Variants in DDX24 observed in about 807,000 individuals in gnomAD.
DDX24 encodes ATP-dependent RNA helicase DDX24.
In DDX24, 24 loss-of-function variants were observed where a neutral mutation model predicts 68.9. The observed-to-expected ratio is 0.35, with a 90% confidence interval of 0.25 to 0.49. The LOEUF is 0.49. Among genes scored for constraint, DDX24 ranks in the 20% least tolerant of loss-of-function variants. The pLI is 0.99. For missense variants in DDX24, 989 were observed against 1,039.0 expected (o/e 0.95, Z 0.66); for synonymous variants, 395 against 385.2 (o/e 1.03, Z -0.30).
intron 2 of DDX24, among the ~76,000 whole-genome samples, chr14:94,068,268 G>T (rs1885748207): frequency 6.6e-6 from 1 of 152,006 alleles, no homozygotes; most frequent in Admixed American, 6.6e-5. Context: ...AGACAAAGAG[G>T]AACATTATAT....
intron 2 of DDX24, among the ~76,000 whole-genome samples, chr14:94,077,631 C>T (rs1023194585): frequency 6.6e-6 from 1 of 152,208 alleles, no homozygotes; most frequent in African/African-American, 2.4e-5. Context: ...ACATAAAGCA[C>T]TTAACACAGT....
At chr14:94,066,291 T>TC (rs1303258202) in intron 2 of DDX24, among the ~76,000 whole-genome samples, 1 of 151,772 alleles carries the variant, frequency 6.6e-6, no homozygotes, top group Non-Finnish European at 1.5e-5. Context: ...GGTACACAAC[T>TC]CCAGTGACCT....
intron 6 of DDX24, 116 bp downstream of exon 6, chr14:94,057,706 T>C (rs925042395): frequency 1.1e-6 from 1 of 921,444 alleles, no homozygotes; most frequent in African/African-American, 1.7e-5. Context: ...ATGCCAGTGG[T>C]ATTCTCTGAT....
intron 2 of DDX24, among the ~76,000 whole-genome samples, chr14:94,075,338 G>A (rs1315629153): frequency 6.6e-6 from 1 of 152,152 alleles, no homozygotes; most frequent in Non-Finnish European, 1.5e-5. Context: ...AAAGACTCCA[G>A]AGAAAGACCC....
chr14:94,077,800 A>G (rs1368276919), intron 2 of DDX24, among the ~76,000 whole-genome samples: 1 of 152,076 alleles, frequency 6.6e-6, no homozygotes, highest in African/African-American at 2.4e-5. Context: ...TCTACTGAAC[A>G]CTTAAAATGT....
intron 2 of DDX24, among the ~76,000 whole-genome samples, chr14:94,068,449 G>A (rs1463751431): frequency 6.6e-6 from 1 of 152,184 alleles, no homozygotes; most frequent in African/African-American, 2.4e-5. Context: ...GCACTAGACA[G>A]ATCATCAAGA....
At position 94,067,021 on chromosome 14, in the gene DDX24, G is replaced by A. The variant is rs182389118; in HGVS notation, c.719-4400C>T. ...GATTTACCTGAAAGAGAATTCAGGA[G>A]GTTAGTTATTAAGCTAATCAGGGAG... On this transcript the variant is annotated intron_variant, in intron 2 of 8. Transcript: ENST00000621632. Among the ~76,000 whole-genome samples, 807 of 152,284 alleles carry A rather than the reference G, an allele frequency of 5.3e-3. 6 individuals are homozygous for A. Among genetic ancestry groups the A allele is most frequent in the African/African-American group, 0.013 (534 of 41,540 alleles).
rs79380871 is a variant in DDX24, at chr14:94,060,714, G to A, written c.1398-101C>T. The A allele has an allele frequency of 2.5e-3, 3,417 of 1,367,854 alleles. 61 individuals are homozygous for A. The African/African-American group carries it at 0.042, about 17-fold the overall frequency. 84.7% of individuals were successfully genotyped at this position (1,367,854 alleles called of 1,614,324 possible). On this transcript the variant is annotated intron_variant, in intron 4 of 8. Coordinates refer to ENST00000621632, the MANE Select transcript of DDX24 (RefSeq NM_020414.4). Reference sequence around the variant, plus strand: ...ATCCTAAACACACACACACACACACGTACACACCCCACTACCACCACCACC... The same window carrying A: ...ATCCTAAACACACACACACACACACATACACACCCCACTACCACCACCACC...
At chr14:94,076,313 A>C (rs1885938302) in intron 2 of DDX24, among the ~76,000 whole-genome samples, 2 of 152,210 alleles carry the variant, frequency 1.3e-5, no homozygotes, top group African/African-American at 4.8e-5. Flanking sequence ...CGTAATCTCA[A>C]ATTATGCTGA....
At chr14:94,064,920 G>A (rs1320449553) in intron 2 of DDX24, among the ~76,000 whole-genome samples, 1 of 152,184 alleles carries the variant, frequency 6.6e-6, no homozygotes, top group Non-Finnish European at 1.5e-5. Flanking sequence ...AATGACACTA[G>A]CTCCAGGTAG....
rs898279263 is a variant in DDX24 at position 94,060,498 on chromosome 14, C to G, written c.1513G>C (p.Val505Leu). Residue 505 changes from valine to leucine, a missense_variant, in exon 5 of 9, where the codon GTT (valine) becomes CTT (leucine). Around this residue, in one of 3 missense-constraint regions of DDX24, gnomAD observed 691 missense variants for 760.0 expected, o/e 0.91. Transcript: ENST00000621632. Reference protein sequence around the residue: ...SQYNPKRQTLVFSATLTLVHQ... With the variant: ...SQYNPKRQTLLFSATLTLVHQ... ...ACCAGGGTGAGTGTGGCAGAAAAAA[C>G]AAGCGTTTGTCTCTTTGGGTTGTAT... 2.5e-6 allele frequency: 4 copies of G among 1,614,150 alleles called. No individual in the cohort carries two copies. The East Asian group carries it at 6.7e-5, about 27-fold the overall frequency.
At chr14:94,075,306 C>T (rs1363473160) in intron 2 of DDX24, among the ~76,000 whole-genome samples, 2 of 152,136 alleles carry the variant, frequency 1.3e-5, no homozygotes, top group Non-Finnish European at 2.9e-5. Flanking sequence ...AAAGACTAGA[C>T]AAACAGATCA....
In DDX24 at chr14:94,049,803, G is replaced by C. The variant is rs1446351313; in HGVS notation, c.*1388C>G. On this transcript the variant is annotated 3_prime_UTR_variant, in exon 9 of 9. Transcript: ENST00000621632. ...CCAGCTACTTGGGAGGCTGAGGCGG[G>C]AGGACTGCCTGGGCCCAGGAGTGTG... 1 of 152,172 alleles carries C rather than the reference G, an allele frequency of 6.6e-6. No individual in the cohort carries two copies. The highest frequency in any genetic ancestry group is 1.5e-5 in the Non-Finnish European group (1 of 68,102). 9.4% of individuals were successfully genotyped at this position (152,172 alleles called of 1,614,324 possible). A position where few individuals can be genotyped will look rare whatever the true frequency, so the allele number is the denominator to read the frequency against.
rs1275174150 is a variant in DDX24, at chr14:94,055,571, C to T, written c.1990-387G>A. ...ATAATGTGGCATGGTTGCTAACACA[C>T]CCACTGAGCCCCTGGCACACACCAT... On this transcript the variant is annotated intron_variant, in intron 6 of 8. Coordinates refer to ENST00000621632, the MANE Select transcript of DDX24 (RefSeq NM_020414.4). The T allele has an allele frequency of 4.0e-5, 8 of 200,548 alleles. 2 individuals carry two copies. In the Admixed American group the frequency reaches 4.2e-4, roughly 11 times the overall value. The allele number at this position is 200,548 out of a possible 1,614,324, so 12.4% of individuals were successfully genotyped here.
At chr14:94,077,809 GTAGT>G (rs1406552120) in intron 2 of DDX24, among the ~76,000 whole-genome samples, 9 of 151,512 alleles carry the variant, frequency 5.9e-5, no homozygotes, top group African/African-American at 9.7e-5. Context: ...CACTTAAAAT[GTAGT>G]TACTCTAAAA....
chr14:94,051,724 G>GC, intron 8 of DDX24: 1 of 391,524 alleles, frequency 2.6e-6, no homozygotes, highest in Non-Finnish European at 4.5e-6. Context: ...TACAGATGAG[G>GC]CAACTCAGGG....
At chr14:94,069,056 A>C (rs1448447052) in intron 2 of DDX24, among the ~76,000 whole-genome samples, 1 of 152,196 alleles carries the variant, frequency 6.6e-6, no homozygotes, top group Non-Finnish European at 1.5e-5. Flanking sequence ...ACAAAAAAAC[A>C]AAAGATAAAC....
In DDX24 at chr14:94,051,435, C is replaced by T. The variant is rs1407600735; in HGVS notation, c.2336G>A (p.Arg779His). The T allele has an allele frequency of 1.9e-6, 3 of 1,569,096 alleles. No individual in the cohort carries two copies. Among genetic ancestry groups the T allele is most frequent in the Non-Finnish European group, 1.7e-6 (2 of 1,159,748 alleles). ...AACCTTCATCTGCTTTTGTCTCCGACGTTCTTCTTGCTGGTCAGCTTTTCC... is the reference window on the plus strand; with the variant it reads ...AACCTTCATCTGCTTTTGTCTCCGATGTTCTTCTTGCTGGTCAGCTTTTCC... The part of the protein sequence containing the change: ...KGGKADQQEE[R>H]RRQKQMKVLK... Residue 779 changes from arginine (R) to histidine (H), a missense_variant, in exon 9 of 9, where the codon CGT (arginine) becomes CAT (histidine). Transcript: ENST00000621632.
At chr14:94,068,660 ACT>A (rs1398270003) in intron 2 of DDX24, among the ~76,000 whole-genome samples, 2 of 152,124 alleles carry the variant, frequency 1.3e-5, no homozygotes, top group African/African-American at 4.8e-5. Flanking sequence ...TATATCAAGC[ACT>A]CTCTCAGACC....
Sources: allele counts gnomAD v4.1 joint callset (sites outside exome capture counted in the v4.1 genomes callset), GRCh38; gene constraint gnomAD v4.1.1; regional missense constraint gnomAD v4.1.1; transcripts MANE v1.5; gene names NCBI Gene and HGNC (gene_info 2026-07-23, HGNC 2026-07-21).